DMD: variants seen among roughly 807,000 people sequenced by gnomAD.
DMD encodes mutant dystrophin.
Under a neutral mutation model 330.1 loss-of-function variants are expected in DMD, and 63 were observed. The observed-to-expected ratio is 0.19, with a 90% CI of 0.16 to 0.24. DMD has a LOEUF of 0.24. Ranked by LOEUF, DMD falls within the 10% of genes least tolerant of loss-of-function variation. The pLI, the probability that DMD is intolerant of heterozygous loss-of-function variation, is 1.00. For missense variants in DMD, 3,344 were observed against 2,684.1 expected, an observed-to-expected ratio of 1.25 and a Z score of -5.43; for synonymous variants, 1,223 against 959.8, an observed-to-expected ratio of 1.27 and a Z score of -5.07.
At chrX:32,805,527 G>A (rs959604232) in intron 7 of DMD, among the ~76,000 whole-genome samples, 16 of 111,555 alleles carry the variant, frequency 1.4e-4, no homozygotes, top group African/African-American at 3.6e-4. Flanking sequence ...ATATTATCCC[G>A]GCGAACTTTC....
chrX:33,010,030 ATGTGTATATACACATGTGTATATATACG>A (rs1557208003), intron 2 of DMD, among the ~76,000 whole-genome samples: 1 of 40,192 alleles, frequency 2.5e-5, no homozygotes, highest in Non-Finnish European at 6.4e-5. Flanking sequence ...ATGTGTGTAC[ATGTGTATATACACATGTGTATATATACG>A]TGTATATATA....
chrX:32,457,739 T>TA lies in DMD; in HGVS notation c.3433-2908dup, dbSNP rs755577393. Among the ~76,000 whole-genome samples, 47 of 109,741 alleles carry TA rather than the reference T, an allele frequency of 4.3e-4. No homozygotes were observed. The South Asian group carries it at 6.0e-3, about 14-fold the overall frequency. On this transcript the variant is annotated intron_variant, in intron 25 of 78. Transcript: ENST00000357033. ...GCAGAAAGATGGAAAAACAGACTGT[T>TA]AGAGATCTGACGAAAGAGATCTGGG...
rs1393329745 is a variant in DMD at position 32,651,357 on chromosome X, G to C, written c.961-6205C>G. On this transcript the variant is annotated intron_variant, in intron 9 of 78. Transcript: ENST00000357033. ...AGGGTTTCAACACGTTGGCCAGGCTGGTCTCAAACTCCTGACCTCAGGTCA... is the reference window on the plus strand; with the variant it reads ...AGGGTTTCAACACGTTGGCCAGGCTCGTCTCAAACTCCTGACCTCAGGTCA... Among the ~76,000 whole-genome samples, 4 of 110,697 alleles carry C rather than the reference G, an allele frequency of 3.6e-5. No individual in the cohort carries two copies. The East Asian group carries it at 1.1e-3, about 32-fold the overall frequency.
At chrX:32,416,956 C>G (rs2098168366) in intron 29 of DMD, among the ~76,000 whole-genome samples, 1 of 111,791 alleles carries the variant, frequency 8.9e-6, no homozygotes, top group African/African-American at 3.3e-5. Context: ...TACCTACTAA[C>G]AGGTTGCAAT....
chrX:33,293,608 T>C (rs1442946058), intron 1 of DMD, among the ~76,000 whole-genome samples: 1 of 111,019 alleles, frequency 9.0e-6, no homozygotes, highest in Non-Finnish European at 1.9e-5. Context: ...CTAGCTGCAA[T>C]GGAGGATGAA....
chrX:32,724,953 G>A (rs1174612314), intron 7 of DMD, among the ~76,000 whole-genome samples: 3 of 111,572 alleles, frequency 2.7e-5, no homozygotes, highest in East Asian at 5.6e-4. Context: ...GAAAGCTCTA[G>A]TAAACATCAA....
intron 67 of DMD, among the ~76,000 whole-genome samples, chrX:31,198,090 G>C (rs766802434): frequency 9.2e-5 from 10 of 109,020 alleles, no homozygotes; most frequent in Admixed American, 4.0e-4. Flanking sequence ...ACCAGAGTCT[G>C]GGAAATGTAG....
At chrX:31,520,601 T>C (rs1299446472) in intron 55 of DMD, among the ~76,000 whole-genome samples, 1 of 111,921 alleles carries the variant, frequency 8.9e-6, no homozygotes, top group African/African-American at 3.3e-5. Flanking sequence ...GTTCAGAAGA[T>C]GCTAGAGACC....
At chrX:32,723,671 T>C (rs771949449) in intron 7 of DMD, among the ~76,000 whole-genome samples, 1 of 111,252 alleles carries the variant, frequency 9.0e-6, no homozygotes, top group Non-Finnish European at 1.9e-5. Flanking sequence ...ATTCTTACCA[T>C]ACCAAAACAG....
At chrX:33,221,361 G>A (rs1254605737) in intron 1 of DMD, among the ~76,000 whole-genome samples, 3 of 111,166 alleles carry the variant, frequency 2.7e-5, no homozygotes, top group Non-Finnish European at 5.7e-5. Context: ...GCAAGACCAG[G>A]TTTTAAAGAT....
chrX:32,939,065 C>A (rs1329897763), intron 2 of DMD, among the ~76,000 whole-genome samples: 1 of 109,776 alleles, frequency 9.1e-6, no homozygotes, highest in Non-Finnish European at 1.9e-5. Flanking sequence ...TGAGCATATA[C>A]TACATTTATA....
intron 60 of DMD, among the ~76,000 whole-genome samples, chrX:31,402,343 A>G (rs2061227485): frequency 8.9e-6 from 1 of 112,102 alleles, no homozygotes; most frequent in Admixed American, 9.5e-5. Context: ...TGGCTTACTT[A>G]GAGAACAGAA....
intron 7 of DMD, among the ~76,000 whole-genome samples, chrX:32,705,681 C>A (rs750998635): frequency 2.7e-5 from 3 of 111,804 alleles, no homozygotes; most frequent in South Asian, 3.8e-4. Context: ...CACATCCTCT[C>A]CGGCACCTGT....
At chrX:31,541,654 C>G (rs952397056) in intron 55 of DMD, among the ~76,000 whole-genome samples, 3 of 110,479 alleles carry the variant, frequency 2.7e-5, no homozygotes, top group Admixed American at 9.7e-5. Flanking sequence ...CACGTCCCTA[C>G]AAAGGACTTG....
At chrX:32,541,198 G>T (rs1333945988) in intron 17 of DMD, among the ~76,000 whole-genome samples, 4 of 111,430 alleles carry the variant, frequency 3.6e-5, no homozygotes, top group Non-Finnish European at 7.5e-5. Flanking sequence ...CATTTCTTAG[G>T]TTTGAGATAA....
chrX:32,977,801 A>T (rs1330487820), intron 2 of DMD, among the ~76,000 whole-genome samples: 1 of 111,487 alleles, frequency 9.0e-6, no homozygotes, highest in South Asian at 3.7e-4. Flanking sequence ...TTGGAACAAG[A>T]CTAGTAGTAG....
chrX:32,298,500 G>A (rs2097506830), intron 42 of DMD, among the ~76,000 whole-genome samples: 1 of 93,094 alleles, frequency 1.1e-5, no homozygotes, highest in African/African-American at 4.8e-5. Context: ...ACTTCTAAGT[G>A]AATATATAAA....
At chrX:32,267,054 C>T (rs1421542512) in intron 43 of DMD, among the ~76,000 whole-genome samples, 1 of 112,270 alleles carries the variant, frequency 8.9e-6, no homozygotes, top group Non-Finnish European at 1.9e-5. Flanking sequence ...AGAAGTTCCA[C>T]CATTCCTAAT....
chrX:31,657,846 C>T (rs1047960631), intron 54 of DMD, 144 bp downstream of exon 54: 7 of 580,117 alleles, frequency 1.2e-5, no homozygotes, highest in African/African-American at 2.3e-5. Flanking sequence ...GAGCCAAGTC[C>T]GTGAGTTTAG....
Sources: gnomAD v4.1 joint callset for allele counts (sites outside exome capture counted in the v4.1 genomes callset) on GRCh38, gnomAD v4.1.1 for gene constraint, MANE v1.5 for transcripts, NCBI Gene and HGNC (gene_info 2026-07-23, HGNC 2026-07-21) for gene names.